The following STOX2 variants were observed in gnomAD, a reference collection of about 807,000 sequenced individuals.
STOX2 encodes storkhead box 2, also known as storkhead-box protein 2.
Under a neutral mutation model 60.9 loss-of-function variants are expected in STOX2, and 28 were observed. The ratio of observed to expected loss-of-function variants is 0.46; its 90% CI spans 0.34 to 0.63. The LOEUF is 0.63. Among genes scored for constraint, STOX2 ranks in the 30% least tolerant of loss-of-function variants. The pLI, the probability that STOX2 is intolerant of heterozygous loss-of-function variation, is 0.01. For synonymous variants in STOX2, 472 were observed against 463.9 expected, an observed-to-expected ratio of 1.02 and a Z score of -0.22; for missense variants, 1,024 against 1,187.7, an observed-to-expected ratio of 0.86 and a Z score of 2.03.
At chr4:183,995,301 TTTTTTTTTTTTTTTTTTTTTTTG>T (rs1265296596) in intron 1 of STOX2, among the ~76,000 whole-genome samples, 1 of 58,518 alleles carries the variant, frequency 1.7e-5, no homozygotes, top group Non-Finnish European at 4.7e-5. Flanking sequence ...CTTTTTTTTT[TTTTTTTTTTTTTTTTTTTTTTTG>T]CACAAATAGA....
chr4:184,011,484 G>C lies in STOX2; in HGVS notation c.2585+61G>C. ...TAGCGGGGCCTGGGGCTTTATGCAC[G>C]TAACTTGACAAGTTTCTGATTTCGT... On this transcript the variant is annotated intron_variant, in intron 3 of 3. Transcript: ENST00000308497. The surrounding 1 kb of genome is among the most constrained non-coding windows in gnomAD (Gnocchi z 4.4). 1 of 1,584,748 alleles carries C rather than the reference G, an allele frequency of 6.3e-7. No individual in the cohort carries two copies.
intron 1 of STOX2, among the ~76,000 whole-genome samples, chr4:183,872,677 T>C (rs1740721974): frequency 6.6e-6 from 1 of 152,200 alleles, no homozygotes; most frequent in South Asian, 2.1e-4. Flanking sequence ...GACATAGCTG[T>C]TGCTAGGGTA....
intron 1 of STOX2, among the ~76,000 whole-genome samples, chr4:183,850,306 G>A (rs1056544480): frequency 1.3e-5 from 2 of 151,480 alleles, no homozygotes; most frequent in African/African-American, 2.4e-5. Flanking sequence ...AGTTTATATA[G>A]ATTCTTCAAG....
intron 1 of STOX2, among the ~76,000 whole-genome samples, chr4:183,952,065 G>T (rs1331973890): frequency 6.6e-6 from 1 of 152,190 alleles, no homozygotes; most frequent in Non-Finnish European, 1.5e-5. Flanking sequence ...AACAACACCG[G>T]ACTTCCACAC....
At chr4:183,817,150 C>T (rs1560828872) in intron 1 of STOX2, among the ~76,000 whole-genome samples, 1 of 152,246 alleles carries the variant, frequency 6.6e-6, no homozygotes, top group Admixed American at 6.5e-5. Flanking sequence ...ATGGTGTCCA[C>T]ATTCTTGGAA....
chr4:183,800,933 G>C (rs139246999), intron 1 of STOX2, among the ~76,000 whole-genome samples: 16 of 152,288 alleles, frequency 1.1e-4, no homozygotes, highest in Non-Finnish European at 2.2e-4. Flanking sequence ...GGCAAGCCCC[G>C]GTGCTTTTGT....
intron 1 of STOX2, among the ~76,000 whole-genome samples, chr4:183,966,589 A>G (rs1450942602): frequency 6.6e-6 from 1 of 152,116 alleles, no homozygotes; most frequent in Non-Finnish European, 1.5e-5. Context: ...CCACACATTC[A>G]CCTTAACCTT....
intron 1 of STOX2, among the ~76,000 whole-genome samples, chr4:183,987,410 T>A (rs1732892768): frequency 6.6e-6 from 1 of 152,156 alleles, no homozygotes; most frequent in African/African-American, 2.4e-5. Context: ...AGCCTGGGGT[T>A]CACAATGAGC....
Position 184,017,695 on chromosome 4 carries a change from A to T in STOX2, c.*411A>T, listed in dbSNP as rs1240926245. ...ACTGATCCTTGACACTTCCAAAAAAAAAAAAACAAAACAAAACAAAAAAAA... is the reference window on the plus strand; with the variant it reads ...ACTGATCCTTGACACTTCCAAAAAATAAAAAACAAAACAAAACAAAAAAAA... On this transcript the variant is annotated 3_prime_UTR_variant, in exon 4 of 4. Transcript: ENST00000308497. 6.5e-6 allele frequency: 1 copy of T among 152,754 alleles called. No individual in the cohort carries two copies. Among genetic ancestry groups the T allele is most frequent in the Non-Finnish European group, 1.5e-5 (1 of 68,528 alleles). The allele number at this position is 152,754 out of a possible 1,614,324, so 9.5% of individuals were successfully genotyped here.
At chr4:183,913,284 G>A (rs187734205) in intron 1 of STOX2, among the ~76,000 whole-genome samples, 3 of 152,298 alleles carry the variant, frequency 2.0e-5, no homozygotes, top group South Asian at 2.1e-4. Flanking sequence ...AAATTTGGGC[G>A]GATTCAGAGT....
At chr4:183,951,057 T>C (rs1019857390) in intron 1 of STOX2, among the ~76,000 whole-genome samples, 39 of 150,838 alleles carry the variant, frequency 2.6e-4, no homozygotes, top group East Asian at 7.9e-4. Context: ...CTACTAAAAA[T>C]ACAAAAAAAT....
At chr4:183,832,368 A>G (rs7660188) in intron 1 of STOX2, among the ~76,000 whole-genome samples, 1 of 151,178 alleles carries the variant, frequency 6.6e-6, no homozygotes, top group Non-Finnish European at 1.5e-5. Flanking sequence ...TCCTAGTTGT[A>G]TGCTTATCTC....
chr4:183,901,332 G>A (rs748127022), upstream of STOX2, among the ~76,000 whole-genome samples: 24 of 152,120 alleles, frequency 1.6e-4, no homozygotes, highest in African/African-American at 4.3e-4. Flanking sequence ...CTTGGGTTGC[G>A]CCCATGTTTT....
intron 1 of STOX2, among the ~76,000 whole-genome samples, chr4:183,840,981 C>G (rs949755967): frequency 1.3e-5 from 2 of 152,162 alleles, no homozygotes; most frequent in African/African-American, 4.8e-5. Flanking sequence ...AATCCTCCCA[C>G]CTCAGCCTCC....
intron 3 of STOX2, chr4:184,014,102 GC>G (rs1734267078): frequency 7.6e-6 from 1 of 131,064 alleles, no homozygotes; most frequent in Non-Finnish European, 1.6e-5. Flanking sequence ...GAGCAGCTAA[GC>G]CCCAACCAAA....
At chr4:183,860,442 C>CAAAAAAAAAAAAAAAAAAAAAACAAA (rs35753992) in intron 1 of STOX2, among the ~76,000 whole-genome samples, 3 of 121,488 alleles carry the variant, frequency 2.5e-5, no homozygotes, top group South Asian at 2.8e-4. Context: ...AAACAAAAAA[C>CAAAAAAAAAAAAAAAAAAAAAACAAA]AAAAAAAAAA....
chr4:184,010,323 T>A lies in STOX2; in HGVS notation c.1485T>A (p.Asp495Glu). Residue 495 changes from aspartate to glutamate, a missense_variant, in exon 3 of 4, where the codon GAT becomes GAA. Physicochemically the swap from Asp to Glu is conservative, Grantham distance 45 (BLOSUM62 2). Transcript: ENST00000308497. This position sits in a 1 kb window ranked among gnomAD's most constrained non-coding sequence, Gnocchi z 4.5. The part of the protein sequence containing the change: ...NKAKERSRSM[D>E]NSKGPLGASS... Reference sequence around the variant, plus strand: ...CCAAGGAGAGATCCAGGTCGATGGATAACTCCAAAGGCCCTCTGGGTGCTT... The same window carrying A: ...CCAAGGAGAGATCCAGGTCGATGGAAAACTCCAAAGGCCCTCTGGGTGCTT... The A allele has an allele frequency of 1.9e-6, 3 of 1,606,592 alleles. No homozygotes were observed. The highest frequency in any genetic ancestry group is 2.5e-6 in the Non-Finnish European group (3 of 1,176,590).
At chr4:183,834,763 T>G (rs1739661451) in intron 1 of STOX2, among the ~76,000 whole-genome samples, 1 of 152,228 alleles carries the variant, frequency 6.6e-6, no homozygotes. Context: ...TTCATTCCAT[T>G]TATTCATTCA....
intron 1 of STOX2, among the ~76,000 whole-genome samples, chr4:183,840,267 GGATT>G (rs1213373641): frequency 8.5e-5 from 13 of 152,114 alleles, no homozygotes; most frequent in Non-Finnish European, 4.4e-5. Context: ...GAGAGTGGAT[GGATT>G]ATTTAAAATA....
Sources: gnomAD v4.1 joint callset for allele counts (sites outside exome capture counted in the v4.1 genomes callset) on GRCh38, gnomAD v4.1.1 for gene constraint, Gnocchi (gnomAD v3.1) non-coding constraint, MANE v1.5 for transcripts, NCBI Gene and HGNC (gene_info 2026-07-23, HGNC 2026-07-21) for gene names.